Variants in RNF216 observed in about 807,000 individuals in gnomAD.
RNF216 encodes E3 ubiquitin-protein ligase RNF216.
Under a neutral mutation model 110.8 loss-of-function variants are expected in RNF216, and 72 were observed. The ratio of observed to expected loss-of-function variants is 0.65; its 90% confidence interval spans 0.54 to 0.79. The LOEUF (loss-of-function observed/expected upper bound fraction) is 0.79, where lower values mean the gene tolerates loss of function less well. RNF216 is among the 30% of genes least tolerant of loss of function. The pLI is 0.00. For missense variants in RNF216, 1,342 were observed against 1,141.2 expected (o/e 1.18, Z -2.54); for synonymous variants, 495 against 407.5 (o/e 1.21, Z -2.59).
At chr7:5,755,842 C>G (rs1795608182) in intron 2 of RNF216, among the ~76,000 whole-genome samples, 1 of 152,114 alleles carries the variant, frequency 6.6e-6, no homozygotes, top group African/African-American at 2.4e-5. Flanking sequence ...AGCATATGCT[C>G]CATTTTGGCA....
intron 15 of RNF216, among the ~76,000 whole-genome samples, chr7:5,631,459 G>C (rs571751950): frequency 2.0e-5 from 3 of 152,312 alleles, no homozygotes; most frequent in Admixed American, 1.3e-4. Flanking sequence ...TGGGTCACTG[G>C]TCTCCAGTGG....
chr7:5,692,375 T>C (rs1475438246), intron 13 of RNF216, among the ~76,000 whole-genome samples: 2 of 152,220 alleles, frequency 1.3e-5, no homozygotes, highest in African/African-American at 4.8e-5. Flanking sequence ...AAAGCGGTCA[T>C]AGCAACGCCG....
chr7:5,644,490 A>G (rs893341044), intron 14 of RNF216, among the ~76,000 whole-genome samples: 4 of 152,006 alleles, frequency 2.6e-5, no homozygotes, highest in African/African-American at 9.7e-5. Context: ...CTGGAGAAAT[A>G]TCAATTGATA....
chr7:5,626,486 G>A (rs1253561680), intron 15 of RNF216, among the ~76,000 whole-genome samples: 4 of 151,892 alleles, frequency 2.6e-5, no homozygotes. Flanking sequence ...CAGAAAACTG[G>A]TGGGAGGATC....
intron 13 of RNF216, among the ~76,000 whole-genome samples, chr7:5,691,240 T>C (rs1791319188): frequency 6.6e-6 from 1 of 152,240 alleles, no homozygotes; most frequent in South Asian, 2.1e-4. Context: ...ACAAGCCACC[T>C]GACACCTCGC....
chr7:5,777,482 A>G (rs1478745673), intron 1 of RNF216: 1 of 152,290 alleles, frequency 6.6e-6, no homozygotes, highest in East Asian at 1.9e-4. Flanking sequence ...AAGAGCCAAC[A>G]GTACCTAGGG....
intron 13 of RNF216, among the ~76,000 whole-genome samples, chr7:5,666,165 CAAAA>C: frequency 1.5e-5 from 1 of 65,494 alleles, no homozygotes; most frequent in East Asian, 4.6e-4. Context: ...GACTCCGTCT[CAAAA>C]AAAAAAAAAA....
intron 9 of RNF216, among the ~76,000 whole-genome samples, chr7:5,719,774 T>G (rs895623314): frequency 3.3e-5 from 5 of 152,212 alleles, no homozygotes; most frequent in Non-Finnish European, 7.3e-5. Context: ...CAAATACCTA[T>G]TTTGAATAAT....
intron 11 of RNF216, among the ~76,000 whole-genome samples, chr7:5,714,573 A>G (rs1285775720): frequency 6.6e-6 from 1 of 152,108 alleles, no homozygotes; most frequent in Non-Finnish European, 1.5e-5. Flanking sequence ...CTTCTTAATC[A>G]CTGTGTTAGT....
intron 13 of RNF216, among the ~76,000 whole-genome samples, chr7:5,676,021 CTTTTTTT>C: frequency 6.9e-6 from 1 of 145,576 alleles, no homozygotes; most frequent in East Asian, 2.0e-4. Context: ...CTTCTTTTTT[CTTTTTTT>C]TTTTGAGACA....
chr7:5,641,649 G>C (rs889649741), intron 14 of RNF216, among the ~76,000 whole-genome samples: 1 of 152,080 alleles, frequency 6.6e-6, no homozygotes, highest in Non-Finnish European at 1.5e-5. Context: ...GAGAATTACA[G>C]ACAAAATATA....
chr7:5,729,172 A>C (rs1253123834), intron 7 of RNF216, among the ~76,000 whole-genome samples: 1 of 151,846 alleles, frequency 6.6e-6, no homozygotes, highest in African/African-American at 2.4e-5. Flanking sequence ...CATCTTTCAC[A>C]CTCCTGCATT....
At chr7:5,698,008 T>C (rs117744720) in intron 13 of RNF216, among the ~76,000 whole-genome samples, 3,041 of 152,232 alleles carry the variant, frequency 0.02, 46 homozygotes, top group Non-Finnish European at 0.032. Context: ...TTCTCAGACA[T>C]AGGCAGCTTT....
chr7:5,742,826 C>A (rs1222859602), intron 3 of RNF216, among the ~76,000 whole-genome samples: 1 of 151,934 alleles, frequency 6.6e-6, no homozygotes, highest in Non-Finnish European at 1.5e-5. Flanking sequence ...GAACTCCTGA[C>A]CTCAGATGAC....
chr7:5,650,768 G>C (rs1042887814), intron 14 of RNF216, among the ~76,000 whole-genome samples: 1 of 152,042 alleles, frequency 6.6e-6, no homozygotes, highest in Admixed American at 6.6e-5. Context: ...GGGTCTACTC[G>C]GATAATCCAG....
intron 1 of RNF216, chr7:5,777,491 G>A (rs996895969): frequency 6.6e-6 from 1 of 152,204 alleles, no homozygotes; most frequent in East Asian, 1.9e-4. Context: ...CAGTACCTAG[G>A]GGGAGGAGAA....
chr7:5,739,192 A>G (rs1794612233), intron 5 of RNF216, 84 bp downstream of exon 5: 1 of 1,388,964 alleles, frequency 7.2e-7, no homozygotes, highest in South Asian at 1.7e-5. Flanking sequence ...GTATATTTAA[A>G]AATGATTAAA....
At chr7:5,637,865 A>C (rs543517912) in intron 15 of RNF216, among the ~76,000 whole-genome samples, 27 of 152,302 alleles carry the variant, frequency 1.8e-4, no homozygotes, top group African/African-American at 6.3e-4. Context: ...TTTTTCTTTA[A>C]GATCAAGTCT....
chr7:5,649,481 C>A (rs1296310053), intron 14 of RNF216, among the ~76,000 whole-genome samples: 1 of 152,020 alleles, frequency 6.6e-6, no homozygotes, highest in Non-Finnish European at 1.5e-5. Flanking sequence ...TGTATTCCAG[C>A]CTGGATGACA....
Sources: allele counts gnomAD v4.1 joint callset (sites outside exome capture counted in the v4.1 genomes callset), GRCh38; gene constraint gnomAD v4.1.1; transcripts MANE v1.5; gene names NCBI Gene and HGNC (gene_info 2026-07-23, HGNC 2026-07-21).